RTP2: variants seen among roughly 807,000 people sequenced by gnomAD.
RTP2 encodes receptor-transporting protein 2.
A neutral mutation model predicts 17.9 loss-of-function variants in RTP2; 12 were observed. That is an observed-to-expected ratio of 0.67 (90% CI 0.43 to 1.09). RTP2 has a LOEUF of 1.09. Among genes scored for constraint, RTP2 ranks in the 50% least tolerant of loss-of-function variants. The probability of loss-of-function intolerance (pLI) is 0.00; values close to 1 mark genes in which losing one functional copy is unlikely to be tolerated. For missense variants in RTP2, 327 were observed against 295.7 expected (o/e 1.11, Z -0.78); for synonymous variants, 126 against 117.7 (o/e 1.07, Z -0.46).
At chr3:187,701,888 C>T in intron 1 of RTP2, 77 bp downstream of exon 1, 2 of 1,324,868 alleles carry the variant, frequency 1.5e-6, no homozygotes, top group Non-Finnish European at 2.0e-6. Flanking sequence ...CGACTGGGCT[C>T]TGTCTCTCCT....
chr3:187,713,173 G>C, the RTP2 span, among the ~76,000 whole-genome samples: 1 of 152,212 alleles, frequency 6.6e-6, no homozygotes, highest in Admixed American at 6.5e-5. Context: ...GGCACCAGCC[G>C]TCCAGGGACA....
At chr3:187,709,068 C>T in the RTP2 span, among the ~76,000 whole-genome samples, 1 of 149,612 alleles carries the variant, frequency 6.7e-6, no homozygotes, top group Non-Finnish European at 1.5e-5. Flanking sequence ...AATATATTAA[C>T]TATTAAATGA....
chr3:187,707,120 T>C (rs1261396712), upstream of RTP2, among the ~76,000 whole-genome samples: 3 of 152,248 alleles, frequency 2.0e-5, no homozygotes, highest in East Asian at 5.8e-4. Flanking sequence ...CATCTACACA[T>C]GGCCTTTCTA....
upstream of RTP2, among the ~76,000 whole-genome samples, chr3:187,706,435 C>G (rs1259475250): frequency 6.6e-6 from 1 of 151,978 alleles, no homozygotes; most frequent in Admixed American, 6.6e-5. Flanking sequence ...ACAAGAAAAC[C>G]CACTGACCAG....
At chr3:187,706,025 C>G (rs185568639), upstream of RTP2, among the ~76,000 whole-genome samples, 233 of 152,312 alleles carry the variant, frequency 1.5e-3, 1 homozygote, top group African/African-American at 5.4e-3. Flanking sequence ...AGAAGATACA[C>G]AGTCAATAGG....
chr3:187,712,417 GTTT>G, the RTP2 span, among the ~76,000 whole-genome samples: 11 of 152,048 alleles, frequency 7.2e-5, no homozygotes, highest in African/African-American at 2.7e-4. Flanking sequence ...TGTTTTTCAA[GTTT>G]TTATGTATAT....
chr3:187,703,115 A>T (rs529319668), upstream of RTP2, among the ~76,000 whole-genome samples: 101 of 152,332 alleles, frequency 6.6e-4, no homozygotes, highest in Admixed American at 1.2e-3. Flanking sequence ...CTGACTTCAA[A>T]TTTGGTAATC....
chr3:187,701,900 G>A, intron 1 of RTP2, 65 bp downstream of exon 1: 2 of 1,438,398 alleles, frequency 1.4e-6, no homozygotes, highest in Non-Finnish European at 1.9e-6. Flanking sequence ...GTCTCTCCTT[G>A]GAAAGTACCC....
the RTP2 span, chr3:187,715,598 T>G: frequency 2.2e-6 from 1 of 455,632 alleles, no homozygotes; most frequent in Admixed American, 2.4e-5. Context: ...TTAATGTCAC[T>G]TGGCTTCCTT....
intron 1 of RTP2, among the ~76,000 whole-genome samples, chr3:187,700,378 C>T (rs1204025040): frequency 6.6e-6 from 1 of 152,230 alleles, no homozygotes; most frequent in Admixed American, 6.5e-5. Flanking sequence ...ACAGAGTGAG[C>T]CTGTGCACAA....
At chr3:187,710,434 G>GCA in the RTP2 span, among the ~76,000 whole-genome samples, 3 of 146,734 alleles carry the variant, frequency 2.0e-5, no homozygotes, top group South Asian at 4.3e-4. Context: ...TCCTATACAA[G>GCA]CACACACACA....
intron 1 of RTP2, among the ~76,000 whole-genome samples, chr3:187,699,764 CACACACACACACACACACATAT>C (rs762965260): frequency 1.8e-5 from 1 of 54,212 alleles, no homozygotes; most frequent in East Asian, 4.1e-4. Context: ...CACACACACA[CACACACACACACACACACATAT>C]ATTTTCTCTC....
At chr3:187,701,712 C>T (rs1333724967) in intron 1 of RTP2, among the ~76,000 whole-genome samples, 1 of 152,176 alleles carries the variant, frequency 6.6e-6, no homozygotes, top group Non-Finnish European at 1.5e-5. Context: ...GATGATATTA[C>T]AGCTCTTCAT....
chr3:187,698,739 T>A (rs1717757198), exon 2 of RTP2: 1 of 1,613,888 alleles, frequency 6.2e-7, no homozygotes, highest in Non-Finnish European at 8.5e-7. Flanking sequence ...CGGCCCGCTG[T>A]CCGGGCGGCT....
intron 1 of RTP2, among the ~76,000 whole-genome samples, chr3:187,699,320 C>T (rs1044125645): frequency 1.3e-5 from 2 of 152,146 alleles, no homozygotes; most frequent in African/African-American, 4.8e-5. Context: ...TGCACCTGGG[C>T]GCTGTGCAGG....
At chr3:187,700,694 G>T (rs1422970311) in intron 1 of RTP2, among the ~76,000 whole-genome samples, 1 of 152,148 alleles carries the variant, frequency 6.6e-6, no homozygotes, top group East Asian at 1.9e-4. Context: ...CAGATCTGGG[G>T]GCAGGCGAGC....
At chr3:187,710,099 G>A in the RTP2 span, among the ~76,000 whole-genome samples, 1 of 152,078 alleles carries the variant, frequency 6.6e-6, no homozygotes, top group Non-Finnish European at 1.5e-5. Flanking sequence ...ATCCATTAAG[G>A]GCCTGAATAG....
exon 1 of RTP2, chr3:187,702,166 T>C: frequency 6.4e-7 from 1 of 1,565,300 alleles, no homozygotes; most frequent in Non-Finnish European, 8.7e-7. Context: ...AGCTCAGCCC[T>C]GGTGAGAACA....
At chr3:187,711,310 T>G in the RTP2 span, among the ~76,000 whole-genome samples, 1 of 152,208 alleles carries the variant, frequency 6.6e-6, no homozygotes, top group Admixed American at 6.5e-5. Flanking sequence ...GGGGCAGAGA[T>G]AGTCTTACCT....
Sources: allele counts gnomAD v4.1 joint callset (sites outside exome capture counted in the v4.1 genomes callset), GRCh38; gene constraint gnomAD v4.1.1; transcripts MANE v1.5; gene names NCBI Gene and HGNC (gene_info 2026-07-23, HGNC 2026-07-21).